SPATA6: variants seen among roughly 807,000 people sequenced by gnomAD.
The protein encoded by SPATA6 is spermatogenesis-associated protein 6.
Under a neutral mutation model 65.3 loss-of-function variants are expected in SPATA6, and 56 were observed. The observed-to-expected ratio is 0.86, with a 90% confidence interval of 0.69 to 1.07. The LOEUF is 1.07. SPATA6 is among the 50% of genes least tolerant of loss of function. SPATA6 has a pLI of 0.00. For missense variants in SPATA6, 590 were observed against 594.8 expected, an observed-to-expected ratio of 0.99 and a Z score of 0.08; for synonymous variants, 199 against 213.2, an observed-to-expected ratio of 0.93 and a Z score of 0.58.
intron 11 of SPATA6, among the ~76,000 whole-genome samples, chr1:48,311,556 G>A (rs972144820): frequency 2.6e-5 from 4 of 152,102 alleles, no homozygotes; most frequent in Non-Finnish European, 5.9e-5. Flanking sequence ...GAGTGAATTA[G>A]TAATCAAAAA....
intron 8 of SPATA6, among the ~76,000 whole-genome samples, chr1:48,389,572 C>G (rs1649837639): frequency 6.6e-6 from 1 of 152,060 alleles, no homozygotes; most frequent in Non-Finnish European, 1.5e-5. Context: ...ATTAGACTAA[C>G]AGCAGATTCC....
intron 3 of SPATA6, among the ~76,000 whole-genome samples, chr1:48,434,086 C>T (rs1182419757): frequency 1.3e-5 from 2 of 151,944 alleles, no homozygotes; most frequent in Non-Finnish European, 2.9e-5. Flanking sequence ...ATTTCCTAAT[C>T]ACAAGATTGT....
chr1:48,379,745 T>C (rs1276719755), intron 9 of SPATA6, among the ~76,000 whole-genome samples: 1 of 151,998 alleles, frequency 6.6e-6, no homozygotes, highest in Non-Finnish European at 1.5e-5. Context: ...CTCTTTTCCT[T>C]AAAGCCACTT....
rs570969074 is a variant in SPATA6, at chr1:48,364,895, T to A, written c.910-5125A>T. Among the ~76,000 whole-genome samples, 13 of 152,322 alleles carry A rather than the reference T, an allele frequency of 8.5e-5. No individual in the cohort carries two copies. In the South Asian group the frequency reaches 2.7e-3, roughly 32 times the overall value. On this transcript the variant is annotated intron_variant, in intron 9 of 12. Coordinates refer to ENST00000371847, the MANE Select transcript of SPATA6 (RefSeq NM_019073.4). ...GCCCATGCCCATGTCCTGAATGGTA[T>A]TGCCTAGGTTTTCTTCTAGGGTTTT...
intron 11 of SPATA6, among the ~76,000 whole-genome samples, chr1:48,318,994 A>C (rs997715485): frequency 3.9e-5 from 6 of 152,222 alleles, no homozygotes; most frequent in Admixed American, 1.3e-4. Context: ...TTTTTTATAA[A>C]GATGCCAAGA....
chr1:48,360,275 TAAATGTA>T (rs143322576), intron 9 of SPATA6, among the ~76,000 whole-genome samples: 10,086 of 152,130 alleles, frequency 0.066, 413 homozygotes, highest in Non-Finnish European at 0.093. Context: ...TAAGAAGAGA[TAAATGTA>T]AAACACAAAA....
chr1:48,436,841 G>A, intron 3 of SPATA6: 2 of 1,612,994 alleles, frequency 1.2e-6, no homozygotes, highest in Non-Finnish European at 8.5e-7. Context: ...TTGGATATCA[G>A]TATTTTCCCT....
At chr1:48,288,480 G>T in the SPATA6 span, among the ~76,000 whole-genome samples, 1 of 152,176 alleles carries the variant, frequency 6.6e-6, no homozygotes, top group Admixed American at 6.5e-5. Flanking sequence ...TCTCACTGGG[G>T]CTTGTCAAAC....
chr1:48,403,335 C>T (rs182470372), intron 6 of SPATA6, among the ~76,000 whole-genome samples: 122 of 152,196 alleles, frequency 8.0e-4, no homozygotes, highest in Non-Finnish European at 1.4e-3. Context: ...AGCAACAGTC[C>T]CTCAAGAAAT....
At position 48,297,223 on chromosome 1, in the gene SPATA6, A is replaced by C. The variant is rs1222489145; in HGVS notation, c.*1490T>G. 1 of 151,952 alleles carries C rather than the reference A, an allele frequency of 6.6e-6. No homozygotes were observed. Among genetic ancestry groups the C allele is most frequent in the East Asian group, 1.9e-4 (1 of 5,178 alleles). The allele number at this position is 151,952 out of a possible 1,614,324, so 9.4% of individuals were successfully genotyped here. A position where few individuals can be genotyped will look rare whatever the true frequency, so the allele number is the denominator to read the frequency against. ...TGGCCAATTACATACTTATACCTAC[A>C]TTCCTACGATTATCTCCTAAAACAG... is the stretch of plus-strand genomic sequence containing the variant. On this transcript the variant is annotated 3_prime_UTR_variant, in exon 13 of 13. Transcript: ENST00000371847.
intron 11 of SPATA6, chr1:48,325,227 A>G: frequency 1.4e-6 from 1 of 737,610 alleles, no homozygotes; most frequent in Non-Finnish European, 2.4e-6. Flanking sequence ...ATGGGAGTCA[A>G]GTCCACAACA....
intron 11 of SPATA6, among the ~76,000 whole-genome samples, chr1:48,313,995 C>A (rs1055045261): frequency 6.6e-6 from 1 of 152,170 alleles, no homozygotes; most frequent in Non-Finnish European, 1.5e-5. Context: ...AGCTAACTAT[C>A]CTAAATACAT....
At chr1:48,359,048 T>G (rs185347234) in intron 10 of SPATA6, among the ~76,000 whole-genome samples, 1 of 152,180 alleles carries the variant, frequency 6.6e-6, no homozygotes, top group Non-Finnish European at 1.5e-5. Flanking sequence ...TTTTAAAATA[T>G]ATGAAAAGGA....
chr1:48,358,572 G>A (rs1288237648), intron 10 of SPATA6, among the ~76,000 whole-genome samples: 1 of 152,030 alleles, frequency 6.6e-6, no homozygotes, highest in Non-Finnish European at 1.5e-5. Flanking sequence ...TAAACAGCTG[G>A]GCAGATGAGG....
chr1:48,279,730 A>G, the SPATA6 span, among the ~76,000 whole-genome samples: 5 of 152,256 alleles, frequency 3.3e-5, no homozygotes, highest in East Asian at 1.9e-4. Context: ...CACAATAATA[A>G]TGGGAGACTT....
chr1:48,369,449 C>G (rs1351470929), intron 9 of SPATA6, among the ~76,000 whole-genome samples: 1 of 152,224 alleles, frequency 6.6e-6, no homozygotes, highest in Non-Finnish European at 1.5e-5. Flanking sequence ...CTTCCTGGCT[C>G]CTTTGTTTAC....
At chr1:48,447,040 A>G (rs1359209973) in intron 3 of SPATA6, among the ~76,000 whole-genome samples, 1 of 152,188 alleles carries the variant, frequency 6.6e-6, no homozygotes, top group Non-Finnish European at 1.5e-5. Context: ...ACTTCTACTT[A>G]ATGAAGAGTA....
chr1:48,333,492 T>A (rs1370684165), intron 11 of SPATA6, among the ~76,000 whole-genome samples: 2 of 152,146 alleles, frequency 1.3e-5, no homozygotes, highest in African/African-American at 4.8e-5. Context: ...GTGAGTCAAC[T>A]CTCCTTCATA....
intron 1 of SPATA6, among the ~76,000 whole-genome samples, chr1:48,462,453 A>G (rs1263245245): frequency 6.6e-6 from 1 of 152,202 alleles, no homozygotes; most frequent in African/African-American, 2.4e-5. Context: ...AGAATAAACA[A>G]ATAAATCCAC....
Sources: gnomAD v4.1 joint callset for allele counts (sites outside exome capture counted in the v4.1 genomes callset) on GRCh38, gnomAD v4.1.1 for gene constraint, MANE v1.5 for transcripts, NCBI Gene and HGNC (gene_info 2026-07-23, HGNC 2026-07-21) for gene names.